Variants in IL5RA observed in about 807,000 individuals in gnomAD.
IL5RA encodes the protein interleukin-5 receptor subunit alpha.
A neutral mutation model predicts 50.0 loss-of-function variants in IL5RA; 49 were observed. The ratio of observed to expected loss-of-function variants is 0.98; its 90% CI spans 0.78 to 1.24. The LOEUF (loss-of-function observed/expected upper bound fraction) is 1.24. IL5RA is among the 50% of genes most tolerant of loss of function. The pLI is 0.00. For missense variants in IL5RA, 600 were observed against 500.4 expected, an observed-to-expected ratio of 1.20 and a Z score of -1.90; for synonymous variants, 202 against 174.0, an observed-to-expected ratio of 1.16 and a Z score of -1.26.
At chr3:3,096,799 T>C (rs1206785867) in intron 7 of IL5RA, among the ~76,000 whole-genome samples, 4 of 152,234 alleles carry the variant, frequency 2.6e-5, no homozygotes, top group Non-Finnish European at 2.9e-5. Context: ...TTATATTCCA[T>C]TGGATATAGA....
At chr3:3,070,355 T>C in intron 11 of IL5RA, 44 bp from the exon 12 acceptor site, 1 of 1,263,442 alleles carries the variant, frequency 7.9e-7, no homozygotes, top group Non-Finnish European at 1.1e-6. Flanking sequence ...TTAGAGAACT[T>C]TTGGGTTCTT....
intron 9 of IL5RA, among the ~76,000 whole-genome samples, chr3:3,077,183 C>T (rs552618514): frequency 3.9e-5 from 6 of 152,300 alleles, no homozygotes; most frequent in African/African-American, 1.2e-4. Context: ...ATTTTACAGA[C>T]ATGAAAGGAA....
At chr3:3,094,296 A>T (rs144193301) in intron 8 of IL5RA, among the ~76,000 whole-genome samples, 112 of 152,328 alleles carry the variant, frequency 7.4e-4, no homozygotes, top group African/African-American at 2.7e-3. Flanking sequence ...AATTCCTGGT[A>T]ACCACCATCC....
chr3:3,080,067 C>T (rs928118217), intron 9 of IL5RA, among the ~76,000 whole-genome samples: 1 of 151,956 alleles, frequency 6.6e-6, no homozygotes, highest in Non-Finnish European at 1.5e-5. Context: ...AAAAGTAGTG[C>T]CTTTTTGCTG....
At chr3:3,079,904 C>T (rs1322274239) in intron 9 of IL5RA, among the ~76,000 whole-genome samples, 6 of 152,058 alleles carry the variant, frequency 3.9e-5, no homozygotes, top group Non-Finnish European at 7.4e-5. Flanking sequence ...TGTGGTGCCG[C>T]ATGGCTGTCA....
chr3:3,072,146 A>C (rs1702321585), intron 11 of IL5RA, among the ~76,000 whole-genome samples: 1 of 152,142 alleles, frequency 6.6e-6, no homozygotes, highest in South Asian at 2.1e-4. Flanking sequence ...TTGTCCTTGG[A>C]CGTGGAGGCT....
At chr3:3,095,063 G>A (rs1309739917) in intron 8 of IL5RA, among the ~76,000 whole-genome samples, 2 of 152,108 alleles carry the variant, frequency 1.3e-5, no homozygotes, top group Admixed American at 6.6e-5. Context: ...GTACCAATGA[G>A]TCTGTATCTA....
chr3:3,073,591 G>A (rs1702374449), intron 11 of IL5RA, among the ~76,000 whole-genome samples: 1 of 152,114 alleles, frequency 6.6e-6, no homozygotes, highest in Admixed American at 6.6e-5. Flanking sequence ...TCACCTTAAG[G>A]ATAAATTTGA....
At position 3,101,863 on chromosome 3, in the gene IL5RA, A is replaced by G. The variant is rs944397089; in HGVS notation, c.229-33T>C. ...TAAAACCCACAAGTCATGATACATAAAAGAGAACTAGACTTAAGAGAGCTA... is the reference window on the plus strand; with the variant it reads ...TAAAACCCACAAGTCATGATACATAGAAGAGAACTAGACTTAAGAGAGCTA... On this transcript the variant is annotated intron_variant, in intron 4 of 11. Coordinates refer to ENST00000446632, the MANE Select transcript of IL5RA (RefSeq NM_175726.4). 2.1e-5 allele frequency: 33 copies of G among 1,593,810 alleles called. No individual in the cohort carries two copies. In the East Asian group the frequency reaches 7.4e-4, roughly 36 times the overall value.
At chr3:3,091,863 A>G in intron 9 of IL5RA, 1 of 456,834 alleles carries the variant, frequency 2.2e-6, no homozygotes, top group Non-Finnish European at 3.0e-6. Flanking sequence ...CCCTTGAGGA[A>G]AACTGGATGA....
chr3:3,094,579 A>G (rs1703267714), intron 8 of IL5RA, among the ~76,000 whole-genome samples: 1 of 152,190 alleles, frequency 6.6e-6, no homozygotes, highest in South Asian at 2.1e-4. Flanking sequence ...GGGTGTACAA[A>G]CATCTCTTTG....
At chr3:3,085,577 C>T (rs1298270626) in intron 9 of IL5RA, among the ~76,000 whole-genome samples, 3 of 152,290 alleles carry the variant, frequency 2.0e-5, no homozygotes, top group South Asian at 4.1e-4. Context: ...AATGAAGATG[C>T]ATTTGATGGT....
chr3:3,101,882 A>G (rs1245500399), intron 4 of IL5RA, 52 bp from the exon 5 acceptor site: 3 of 1,502,208 alleles, frequency 2.0e-6, no homozygotes, highest in Admixed American at 1.9e-5. Context: ...TAGACTTAAG[A>G]GAGCTATTTT....
intron 2 of IL5RA, among the ~76,000 whole-genome samples, chr3:3,106,075 C>T (rs1264187475): frequency 6.6e-6 from 1 of 152,094 alleles, no homozygotes; most frequent in Non-Finnish European, 1.5e-5. Flanking sequence ...TATTCCTACC[C>T]ATGAAGGAAA....
Position 3,097,951 on chromosome 3 carries a change from A to C in IL5RA, c.628T>G (p.Trp210Gly). The C allele has an allele frequency of 2.5e-6, 4 of 1,614,210 alleles. No individual in the cohort carries two copies. Among genetic ancestry groups the C allele is most frequent in the Non-Finnish European group, 3.4e-6 (4 of 1,180,026 alleles). The change falls in exon 7 of 12, where the codon TGG (tryptophan) becomes GGG (glycine). Residue 210 changes from tryptophan (W) to glycine (G), a missense_variant. Coordinates refer to ENST00000446632, the MANE Select transcript of IL5RA (RefSeq NM_175726.4). ...RTFILSKGRDWLAVLVNGSSK... is the reference protein window; with the variant it reads ...RTFILSKGRDGLAVLVNGSSK... ...GAGCCGTTAACAAGCACCGCAAGCCAGTCACGCCCTTTGCTGAGGATAAAA... is the reference window on the plus strand; with the variant it reads ...GAGCCGTTAACAAGCACCGCAAGCCCGTCACGCCCTTTGCTGAGGATAAAA...
At chr3:3,083,235 T>C (rs1702727957) in intron 9 of IL5RA, among the ~76,000 whole-genome samples, 1 of 152,152 alleles carries the variant, frequency 6.6e-6, no homozygotes, top group South Asian at 2.1e-4. Context: ...TCAAGGCAGC[T>C]GTCAAATGGA....
rs770611465 is a variant in IL5RA, at chr3:3,092,781, C to T, written c.856-419G>A. Reference sequence around the variant, plus strand: ...ATGAAGCTATTTTCTCATGAATGAGCCCTTCTTCTTTTTCCTTCTACTGAT... The same window carrying T: ...ATGAAGCTATTTTCTCATGAATGAGTCCTTCTTCTTTTTCCTTCTACTGAT... On this transcript the variant is annotated intron_variant, in intron 8 of 11. Transcript: ENST00000446632. This position sits in a 1 kb window ranked among gnomAD's most constrained non-coding sequence, Gnocchi z 4.2. Among the ~76,000 whole-genome samples the T allele has an allele frequency of 2.8e-4, 42 of 152,046 alleles. No individual in the cohort carries two copies. Among genetic ancestry groups the T allele is most frequent in the Admixed American group, 3.3e-4 (5 of 15,260 alleles).
In IL5RA at chr3:3,067,226, C is replaced by T. The variant is rs1030644384; in HGVS notation, c.*2999G>A. ...AGCAAAAACATCCAGGTTGCAGTAGCCCAGTTGTTAGGCACATGTGTCTCC... is the reference window on the plus strand; with the variant it reads ...AGCAAAAACATCCAGGTTGCAGTAGTCCAGTTGTTAGGCACATGTGTCTCC... On this transcript the variant is annotated 3_prime_UTR_variant, in exon 12 of 12. Transcript: ENST00000446632. The T allele has an allele frequency of 1.3e-5, 2 of 152,188 alleles. No homozygotes were observed. Among genetic ancestry groups the T allele is most frequent in the African/African-American group, 2.4e-5 (1 of 41,430 alleles). The allele number at this position is 152,188 out of a possible 1,614,324, so 9.4% of individuals were successfully genotyped here. A position where few individuals can be genotyped will look rare whatever the true frequency, so the allele number is the denominator to read the frequency against.
In IL5RA at chr3:3,092,354, T is replaced by G; in HGVS notation, c.864A>C (p.Lys288Asn). ...TTGAGATGAATGCATTGGTCATCAATTTTTCTATCTAAGTGGGGAAAGATA... is the reference window on the plus strand; with the variant it reads ...TTGAGATGAATGCATTGGTCATCAAGTTTTCTATCTAAGTGGGGAAAGATA... ...NTRNGYLQIE[K>N]LMTNAFISII... Residue 288 changes from lysine (K) to asparagine (N), a missense_variant, in exon 9 of 12, where the codon AAA becomes AAC. Lys to Asn is a moderately conservative substitution (Grantham distance 94). Transcript: ENST00000446632. This position sits in a 1 kb window ranked among gnomAD's most constrained non-coding sequence, Gnocchi z 4.2. 1 of 1,613,048 alleles carries G rather than the reference T, an allele frequency of 6.2e-7. No homozygotes were observed.
Sources: gnomAD v4.1 joint callset for allele counts (sites outside exome capture counted in the v4.1 genomes callset) on GRCh38, gnomAD v4.1.1 for gene constraint, Gnocchi (gnomAD v3.1) non-coding constraint, MANE v1.5 for transcripts, NCBI Gene and HGNC (gene_info 2026-07-23, HGNC 2026-07-21) for gene names.